Variants in WASF3 observed in about 807,000 individuals in gnomAD.
WASF3 encodes WASP family member 3.
A neutral mutation model predicts 46.6 loss-of-function variants in WASF3; 11 were observed. The observed-to-expected ratio is 0.24, with a 90% CI of 0.15 to 0.39. The LOEUF is 0.39. Ranked by LOEUF, WASF3 falls within the 10% of genes least tolerant of loss-of-function variation. The pLI, the probability that WASF3 is intolerant of heterozygous loss-of-function variation, is 1.00. For synonymous variants in WASF3, 242 were observed against 259.7 expected, an observed-to-expected ratio of 0.93 and a Z score of 0.65; for missense variants, 576 against 669.8, an observed-to-expected ratio of 0.86 and a Z score of 1.55.
At chr13:26,675,959 C>G (rs191764733) in intron 6 of WASF3, among the ~76,000 whole-genome samples, 1 of 152,140 alleles carries the variant, frequency 6.6e-6, no homozygotes, top group African/African-American at 2.4e-5. Context: ...TGTTTAAGAA[C>G]TAAGTATTTG....
intron 1 of WASF3, among the ~76,000 whole-genome samples, chr13:26,578,795 C>A (rs1045044258): frequency 6.6e-6 from 1 of 151,962 alleles, no homozygotes; most frequent in Non-Finnish European, 1.5e-5. Context: ...ATTGTGTCTC[C>A]ATTGAGACAC....
At chr13:26,604,910 CA>C (rs1880748129) in intron 1 of WASF3, among the ~76,000 whole-genome samples, 1 of 152,164 alleles carries the variant, frequency 6.6e-6, no homozygotes, top group Admixed American at 6.5e-5. Flanking sequence ...TTTTTTAGAA[CA>C]GGGGAGTTTT....
chr13:26,667,416 TG>T (rs1327922772), intron 4 of WASF3, 100 bp from the exon 5 acceptor site: 1 of 994,146 alleles, frequency 1.0e-6, no homozygotes, highest in Non-Finnish European at 1.4e-6. Flanking sequence ...ATTATTTGGT[TG>T]TTCTAGGAGG....
chr13:26,640,773 G>A (rs1272480186), intron 2 of WASF3: 1 of 152,232 alleles, frequency 6.6e-6, no homozygotes, highest in Non-Finnish European at 1.5e-5. Context: ...CTTTTCTGAA[G>A]TGTTTGGTGA....
the WASF3 span, among the ~76,000 whole-genome samples, chr13:26,550,346 G>A: frequency 3.9e-5 from 6 of 152,038 alleles, no homozygotes; most frequent in East Asian, 3.9e-4. Flanking sequence ...AACTCCCTTC[G>A]TTGTTTGTAA....
intron 3 of WASF3, among the ~76,000 whole-genome samples, chr13:26,659,204 T>C (rs1186209108): frequency 1.3e-5 from 2 of 152,068 alleles, no homozygotes; most frequent in Non-Finnish European, 2.9e-5. Flanking sequence ...CATTTGGGTG[T>C]AGAGCTAGAG....
chr13:26,615,556 C>G (rs935584580), intron 2 of WASF3, among the ~76,000 whole-genome samples: 1 of 152,206 alleles, frequency 6.6e-6, no homozygotes, highest in Non-Finnish European at 1.5e-5. Context: ...ATCCCCCTGC[C>G]TCTGCCTCCC....
chr13:26,598,832 CAGA>C (rs747024377), intron 1 of WASF3, among the ~76,000 whole-genome samples: 19 of 152,308 alleles, frequency 1.2e-4, no homozygotes, highest in South Asian at 8.3e-4. Flanking sequence ...TTCAGCTCCT[CAGA>C]AGGTATCTCT....
chr13:26,639,057 A>T (rs1881914653), intron 2 of WASF3, among the ~76,000 whole-genome samples: 1 of 152,214 alleles, frequency 6.6e-6, no homozygotes, highest in Non-Finnish European at 1.5e-5. Context: ...CAGAATCATA[A>T]GCCAAATAAA....
chr13:26,649,017 T>G (rs777460688), intron 3 of WASF3, among the ~76,000 whole-genome samples: 3 of 152,222 alleles, frequency 2.0e-5, no homozygotes, highest in Non-Finnish European at 4.4e-5. Flanking sequence ...GCATCATAAT[T>G]CTTAGGAGCA....
chr13:26,671,841 C>T, intron 5 of WASF3, 31 bp from the exon 6 acceptor site: 1 of 1,460,248 alleles, frequency 6.8e-7, no homozygotes, highest in South Asian at 1.3e-5. Context: ...ACAATCTTTT[C>T]TTCCCTGACT....
At chr13:26,668,572 C>A (rs1882839401) in intron 5 of WASF3, among the ~76,000 whole-genome samples, 1 of 152,252 alleles carries the variant, frequency 6.6e-6, no homozygotes, top group Admixed American at 6.5e-5. Context: ...CTCAGGGGCC[C>A]TTTGGCCCAT....
chr13:26,664,605 C>T (rs999171796), intron 3 of WASF3, among the ~76,000 whole-genome samples: 3 of 152,144 alleles, frequency 2.0e-5, no homozygotes, highest in Admixed American at 6.5e-5. Context: ...AATAAAATAT[C>T]TAATGTTTCT....
upstream of WASF3, among the ~76,000 whole-genome samples, chr13:26,554,240 C>T (rs529193929): frequency 1.3e-5 from 2 of 151,958 alleles, no homozygotes; most frequent in Non-Finnish European, 2.9e-5. Flanking sequence ...GACACTCCTG[C>T]CTTAGCCTCC....
At chr13:26,564,324 C>T (rs1488073402) in intron 1 of WASF3, among the ~76,000 whole-genome samples, 1 of 152,152 alleles carries the variant, frequency 6.6e-6, no homozygotes, top group Non-Finnish European at 1.5e-5. Flanking sequence ...GTCAGATAAC[C>T]TCTTGAACGT....
At position 26,664,985 on chromosome 13, in the gene WASF3, A is replaced by C. The variant is rs1247748447; in HGVS notation, c.134-43A>C. The C allele has an allele frequency of 2.5e-6, 4 of 1,606,560 alleles. No homozygotes were observed. The African/African-American group carries it at 5.3e-5, about 21-fold the overall frequency. ...GAGGATGTGTGAGGGCCGCTTCATC[A>C]GCTCCCTAACAGATGGCCTTCTCCA... On this transcript the variant is annotated intron_variant, in intron 3 of 9. Coordinates refer to ENST00000335327, the MANE Select transcript of WASF3 (RefSeq NM_006646.6).
intron 9 of WASF3, among the ~76,000 whole-genome samples, chr13:26,683,291 G>A (rs1883299082): frequency 6.6e-6 from 1 of 151,972 alleles, no homozygotes; most frequent in African/African-American, 2.4e-5. Flanking sequence ...GGGCAACATG[G>A]CAAAACTCTA....
chr13:26,628,262 C>T (rs1475702343), intron 2 of WASF3, among the ~76,000 whole-genome samples: 5 of 152,198 alleles, frequency 3.3e-5, no homozygotes, highest in Non-Finnish European at 7.3e-5. Flanking sequence ...ATTAGAACCA[C>T]AGTCTTGGCC....
At position 26,676,493 on chromosome 13, in the gene WASF3, G is replaced by A. The variant is rs189193657; in HGVS notation, c.541-56G>A. 1.3e-5 allele frequency: 20 copies of A among 1,577,570 alleles called. No homozygotes were observed. The Admixed American group carries it at 1.6e-4, about 13-fold the overall frequency. On this transcript the variant is annotated intron_variant, in intron 6 of 9. Transcript: ENST00000335327. ...TGTGCATTATAACTGCATTTAACCA[G>A]CTGTTTTCCTTTCCCTTCTGTCTTG...
Sources: gnomAD v4.1 joint callset for allele counts (sites outside exome capture counted in the v4.1 genomes callset) on GRCh38, gnomAD v4.1.1 for gene constraint, MANE v1.5 for transcripts, NCBI Gene and HGNC (gene_info 2026-07-23, HGNC 2026-07-21) for gene names.